RGS7: variants seen among roughly 807,000 people sequenced by gnomAD.
The protein encoded by RGS7 is regulator of G-protein signaling 7.
In RGS7, 27 loss-of-function variants were observed where a neutral mutation model predicts 81.1. The ratio of observed to expected loss-of-function variants is 0.33; its 90% CI spans 0.25 to 0.46. RGS7 has a LOEUF of 0.46. Among genes scored for constraint, RGS7 ranks in the 20% least tolerant of loss-of-function variants. The pLI is 1.00. For missense variants in RGS7, 396 were observed against 607.4 expected (o/e 0.65, Z 3.66); for synonymous variants, 208 against 207.7 (o/e 1.00, Z -0.01).
At chr1:240,952,691 A>G (rs1558515997) in intron 4 of RGS7, among the ~76,000 whole-genome samples, 3 of 152,130 alleles carry the variant, frequency 2.0e-5, no homozygotes, top group East Asian at 3.9e-4. Context: ...GAATCCACAT[A>G]TATCAATAAT....
chr1:241,168,766 C>A (rs2070480910), intron 2 of RGS7, among the ~76,000 whole-genome samples: 1 of 152,072 alleles, frequency 6.6e-6, no homozygotes, highest in South Asian at 2.1e-4. Flanking sequence ...CCAACACACA[C>A]ACATAGAGAG....
At chr1:241,116,538 C>T (rs1331341875) in intron 2 of RGS7, among the ~76,000 whole-genome samples, 1 of 152,080 alleles carries the variant, frequency 6.6e-6, no homozygotes, top group Non-Finnish European at 1.5e-5. Flanking sequence ...TAATGCCTAT[C>T]TAACTTCTTT....
chr1:241,281,301 G>A (rs1248091418), intron 2 of RGS7, among the ~76,000 whole-genome samples: 2 of 152,188 alleles, frequency 1.3e-5, no homozygotes, highest in Non-Finnish European at 2.9e-5. Flanking sequence ...ATACTGTACT[G>A]CTGTGATAAT....
chr1:241,193,516 G>A (rs2072843891), intron 2 of RGS7, among the ~76,000 whole-genome samples: 1 of 152,208 alleles, frequency 6.6e-6, no homozygotes, highest in African/African-American at 2.4e-5. Flanking sequence ...CATCCTGCCT[G>A]AATTTATAAC....
At chr1:241,091,527 G>A (rs973927986) in intron 3 of RGS7, among the ~76,000 whole-genome samples, 41 of 150,318 alleles carry the variant, frequency 2.7e-4, no homozygotes, top group African/African-American at 8.3e-4. Flanking sequence ...CAGCCTGGGC[G>A]ACAGAGCGAG....
At chr1:240,920,651 A>C (rs1447313562) in intron 6 of RGS7, 2 of 1,055,536 alleles carry the variant, frequency 1.9e-6, no homozygotes, top group Non-Finnish European at 2.8e-6. Context: ...GAGCCAGAGA[A>C]GTGACAGGGA....
rs573301752 is a variant in RGS7 at position 241,150,954 on chromosome 1, C to T, written c.79-52192G>A. Among the ~76,000 whole-genome samples the T allele has an allele frequency of 2.5e-4, 38 of 152,230 alleles. 3 individuals carry two copies. The South Asian group carries it at 7.5e-3, about 30-fold the overall frequency. On this transcript the variant is annotated intron_variant, in intron 2 of 18. Coordinates refer to ENST00000440928, the MANE Select transcript of RGS7 (RefSeq NM_001364886.1). ...TCCAAAGGCGGGAAAACCTGGAATCCGGATGTCCAAGGCCAGGAGAAGAAG... is the reference window on the plus strand; with the variant it reads ...TCCAAAGGCGGGAAAACCTGGAATCTGGATGTCCAAGGCCAGGAGAAGAAG...
chr1:240,964,787 G>A (rs539389995), intron 4 of RGS7, among the ~76,000 whole-genome samples: 23 of 152,114 alleles, frequency 1.5e-4, no homozygotes, highest in African/African-American at 4.8e-4. Context: ...TATTTTATTC[G>A]AACTTAAGGC....
chr1:240,846,875 C>T (rs900967472), intron 9 of RGS7, among the ~76,000 whole-genome samples: 7 of 152,228 alleles, frequency 4.6e-5, no homozygotes, highest in African/African-American at 1.7e-4. Context: ...GCCTGCAAAC[C>T]ACCATGTGAA....
chr1:241,089,021 A>ATATCTC (rs1491299995), intron 3 of RGS7, among the ~76,000 whole-genome samples: 1 of 23,652 alleles, frequency 4.2e-5, no homozygotes, highest in African/African-American at 2.7e-4. Flanking sequence ...GCAAGACTCC[A>ATATCTC]TCTCTCTCTC....
Position 241,220,994 on chromosome 1 carries a change from G to GAAAGA in RGS7, c.79-122233_79-122232insTCTTT, listed in dbSNP as rs1558203253. Among the ~76,000 whole-genome samples, 694 of 93,538 alleles carry GAAAGA rather than the reference G, an allele frequency of 7.4e-3. 8 individuals carry two copies. Among genetic ancestry groups the GAAAGA allele is most frequent in the Admixed American group, 0.01 (82 of 8,014 alleles). 61.4% of individuals were successfully genotyped at this position (93,538 alleles called of 152,430 possible). ...GGAAGGAAGGAAGGAAGGAAGGAAG[G>GAAAGA]AAGAGAGAGAGAAAGGAAGGAAGGA... On this transcript the variant is annotated intron_variant, in intron 2 of 18. Coordinates refer to ENST00000440928, the MANE Select transcript of RGS7 (RefSeq NM_001364886.1).
chr1:241,062,534 G>C (rs1291060468), intron 3 of RGS7, among the ~76,000 whole-genome samples: 1 of 152,130 alleles, frequency 6.6e-6, no homozygotes, highest in Non-Finnish European at 1.5e-5. Context: ...AAGAATTAGA[G>C]CATTTCATAT....
chr1:241,279,051 T>G lies in RGS7; in HGVS notation c.78+76648A>C, dbSNP rs1402285568. ...ATAGTTAAGTGCCACTTTAAGTGGT[T>G]CCTTCGCCATTGAAGACAATGTGAA... On this transcript the variant is annotated intron_variant, in intron 2 of 18. Transcript: ENST00000440928. 2.0e-5 allele frequency among the ~76,000 whole-genome samples: 3 copies of G among 152,134 alleles called. No individual in the cohort carries two copies. In the East Asian group the frequency reaches 5.8e-4, roughly 29 times the overall value.
chr1:241,089,285 A>G (rs1406082270), intron 3 of RGS7, among the ~76,000 whole-genome samples: 2 of 150,966 alleles, frequency 1.3e-5, no homozygotes, highest in African/African-American at 2.5e-5. Flanking sequence ...TCTGAGAGGC[A>G]GGGAGGGACT....
At chr1:240,819,759 C>T (rs1412263679) in intron 10 of RGS7, among the ~76,000 whole-genome samples, 1 of 151,976 alleles carries the variant, frequency 6.6e-6, no homozygotes, top group Non-Finnish European at 1.5e-5. Flanking sequence ...AAAACAAAAA[C>T]ACAAAGGTCC....
At chr1:241,054,139 T>C (rs2061375923) in intron 3 of RGS7, among the ~76,000 whole-genome samples, 1 of 152,202 alleles carries the variant, frequency 6.6e-6, no homozygotes, top group African/African-American at 2.4e-5. Context: ...TTGATCTCAC[T>C]AGATTTATGA....
rs548901412 is a variant in RGS7 at position 240,989,490 on chromosome 1, A to G, written c.176-6361T>C. On this transcript the variant is annotated intron_variant, in intron 3 of 18. Transcript: ENST00000440928. Reference sequence around the variant, plus strand: ...TGTCCCTACTTCCTGACAGCACCCAATCTAGAGCAAAGGCCCACTTCCTCA... The same window carrying G: ...TGTCCCTACTTCCTGACAGCACCCAGTCTAGAGCAAAGGCCCACTTCCTCA... 3.3e-5 allele frequency among the ~76,000 whole-genome samples: 5 copies of G among 151,884 alleles called. No homozygotes were observed. In the South Asian group the frequency reaches 1.0e-3, roughly 32 times the overall value.
chr1:240,802,111 T>C (rs1688120678), intron 16 of RGS7, among the ~76,000 whole-genome samples: 1 of 152,182 alleles, frequency 6.6e-6, no homozygotes, highest in Non-Finnish European at 1.5e-5. Context: ...TTTCTAGTTG[T>C]AAAGGCAATG....
intron 2 of RGS7, among the ~76,000 whole-genome samples, chr1:241,319,147 T>A (rs189117651): frequency 1.1e-4 from 16 of 152,356 alleles, no homozygotes; most frequent in African/African-American, 3.6e-4. Context: ...TGGTTGCCTC[T>A]GGCATCTTTA....
Sources: allele counts gnomAD v4.1 joint callset (sites outside exome capture counted in the v4.1 genomes callset), GRCh38; gene constraint gnomAD v4.1.1; transcripts MANE v1.5; gene names NCBI Gene and HGNC (gene_info 2026-07-23, HGNC 2026-07-21).